Variants in PCDHA3 observed in about 807,000 individuals in gnomAD.
PCDHA3 encodes the protein protocadherin alpha-3.
Under a neutral mutation model 62.2 loss-of-function variants are expected in PCDHA3, and 41 were observed. The observed-to-expected ratio is 0.66, with a 90% CI of 0.51 to 0.86. The LOEUF (loss-of-function observed/expected upper bound fraction) is 0.86, where lower values mean the gene tolerates loss of function less well. Ranked by LOEUF, PCDHA3 falls within the 40% of genes least tolerant of loss-of-function variation. PCDHA3 has a pLI of 0.00. For missense variants in PCDHA3, 1,304 were observed against 1,241.2 expected, an observed-to-expected ratio of 1.05 and a Z score of -0.76; for synonymous variants, 640 against 555.4, an observed-to-expected ratio of 1.15 and a Z score of -2.14.
At chr5:140,845,150 G>A (rs1193499376) in intron 1 of PCDHA3, among the ~76,000 whole-genome samples, 2 of 149,470 alleles carry the variant, frequency 1.3e-5, no homozygotes, top group African/African-American at 4.9e-5. Context: ...AACACATTGT[G>A]TAAAAGCGAA....
chr5:140,828,893 G>C (rs2150160291), intron 1 of PCDHA3: 2 of 1,614,238 alleles, frequency 1.2e-6, no homozygotes, highest in Non-Finnish European at 1.7e-6. Flanking sequence ...GAATGCTTCT[G>C]ATCGGGATGA....
intron 1 of PCDHA3, chr5:140,863,197 C>A: frequency 1.1e-6 from 1 of 888,970 alleles, no homozygotes; most frequent in Non-Finnish European, 1.8e-6. Flanking sequence ...GGTGGCGTCG[C>A]TGGCGGAGAG....
intron 3 of PCDHA3, among the ~76,000 whole-genome samples, chr5:141,005,129 C>T (rs1554259896): frequency 6.6e-6 from 1 of 152,180 alleles, no homozygotes; most frequent in African/African-American, 2.4e-5. Context: ...CCAAAAGTGC[C>T]TCATTGGAGA....
In PCDHA3 at chr5:140,978,971, G is replaced by C. The variant is rs782774245; in HGVS notation, c.2417G>C (p.Trp806Ser). Residue 806 changes from tryptophan (W) to serine (S), a missense_variant, in exon 2 of 4, where the codon TGG (tryptophan) becomes TCG (serine). Trp to Ser is a radical substitution (Grantham distance 177). Transcript: ENST00000522353. ...CAGCCACGACAGCCCAACCCTGACT[G>C]GCGTTACTCTGCCTCCCTGAGAGCA... is the stretch of plus-strand genomic sequence containing the variant. ...SAKPRQPNPD[W>S]RYSASLRAGM... 6.2e-7 allele frequency: 1 copy of C among 1,614,170 alleles called. No homozygotes were observed. The highest frequency in any genetic ancestry group is 2.2e-5 in the East Asian group (1 of 44,882).
At chr5:140,911,464 A>T (rs1300349898) in intron 1 of PCDHA3, among the ~76,000 whole-genome samples, 2 of 152,144 alleles carry the variant, frequency 1.3e-5, no homozygotes, top group African/African-American at 2.4e-5. Flanking sequence ...TCTACAGGAG[A>T]TAAGACTCTC....
Position 140,803,342 on chromosome 5 carries a change from G to A in PCDHA3, c.2145G>A (p.Leu715=), listed in dbSNP as rs782025837. 7.4e-6 allele frequency: 12 copies of A among 1,614,092 alleles called. No individual in the cohort carries two copies. The part of the protein sequence containing the change: ...CAVSSLLVLT[L]LLYTALRCSA... Reference sequence around the variant, plus strand: ...TGTCCAGTCTGTTGGTGCTCACACTGCTGCTATATACTGCTCTGCGGTGCT... The same window carrying A: ...TGTCCAGTCTGTTGGTGCTCACACTACTGCTATATACTGCTCTGCGGTGCT... The change falls in exon 1 of 4, where the codon CTG becomes CTA. Residue 715 remains leucine, a synonymous_variant. Coordinates refer to ENST00000522353, the MANE Select transcript of PCDHA3 (RefSeq NM_018906.3).
At chr5:140,806,918 A>C (rs781836191) in intron 1 of PCDHA3, 2 of 501,988 alleles carry the variant, frequency 4.0e-6, no homozygotes, top group Non-Finnish European at 7.0e-6. Flanking sequence ...TGAAATAATA[A>C]ATAAAACCAA....
chr5:140,925,254 A>G (rs1554202655), intron 1 of PCDHA3, among the ~76,000 whole-genome samples: 1 of 152,188 alleles, frequency 6.6e-6, no homozygotes, highest in African/African-American at 2.4e-5. Context: ...GGAAACTTTA[A>G]TTCTTGATCT....
Position 140,835,371 on chromosome 5 carries a change from C to G in PCDHA3, c.2394+31780C>G, listed in dbSNP as rs2150234593. On this transcript the variant is annotated intron_variant, in intron 1 of 3. Transcript: ENST00000522353. ...GGCTGTCGATAAAGGCTTCCCACCCCTGGCTGGTCATTGTACAGTTCTTGT... is the reference window on the plus strand; with the variant it reads ...GGCTGTCGATAAAGGCTTCCCACCCGTGGCTGGTCATTGTACAGTTCTTGT... The G allele has an allele frequency of 8.7e-6, 14 of 1,613,974 alleles. No homozygotes were observed. The highest frequency in any genetic ancestry group is 1.1e-5 in the Non-Finnish European group (13 of 1,179,870).
At chr5:140,890,707 T>A (rs1217575075) in intron 1 of PCDHA3, among the ~76,000 whole-genome samples, 1 of 152,206 alleles carries the variant, frequency 6.6e-6, no homozygotes, top group African/African-American at 2.4e-5. Context: ...CTTACATTTT[T>A]AAAATCTTTT....
chr5:140,862,092 C>G (rs987479365), intron 1 of PCDHA3: 1 of 156,922 alleles, frequency 6.4e-6, no homozygotes, highest in African/African-American at 2.4e-5. Context: ...AGCCCTTTTT[C>G]GCATAGATTC....
intron 1 of PCDHA3, chr5:140,928,175 G>A (rs782432136): frequency 6.8e-6 from 11 of 1,614,032 alleles, no homozygotes; most frequent in African/African-American, 1.3e-5. Flanking sequence ...CTTAGCACCC[G>A]AAGGACAATC....
At chr5:140,893,264 A>T (rs1554185566) in intron 1 of PCDHA3, among the ~76,000 whole-genome samples, 1 of 152,290 alleles carries the variant, frequency 6.6e-6, no homozygotes, top group African/African-American at 2.4e-5. Context: ...ATAAATGCCC[A>T]ATAGTGGAAT....
At chr5:140,867,108 C>A (rs782819699) in intron 1 of PCDHA3, 4 of 152,072 alleles carry the variant, frequency 2.6e-5, no homozygotes, top group Admixed American at 2.6e-4. Flanking sequence ...CCTAAATTAA[C>A]ATATTGTTTT....
intron 1 of PCDHA3, chr5:140,805,178 G>T: frequency 6.7e-7 from 1 of 1,500,578 alleles, no homozygotes; most frequent in Non-Finnish European, 8.9e-7. Flanking sequence ...CTGATGCTAT[G>T]CCAAATAAAT....
intron 1 of PCDHA3, chr5:140,822,254 A>G: frequency 6.2e-7 from 1 of 1,614,260 alleles, no homozygotes; most frequent in South Asian, 1.1e-5. Context: ...TCGGATTTGG[A>G]TATTGGAGCA....
At chr5:140,832,832 C>G (rs2150204585) in intron 1 of PCDHA3, among the ~76,000 whole-genome samples, 3 of 152,178 alleles carry the variant, frequency 2.0e-5, no homozygotes, top group Admixed American at 1.3e-4. Flanking sequence ...GCCTTTTTCC[C>G]TTGTTGAAGG....
chr5:140,802,616 C>G lies in PCDHA3; in HGVS notation c.1419C>G (p.His473Gln), dbSNP rs1554122246. ...AGGAGAACAACCCGCCGGGCTGCCACATCTTCACGGTGTCTGCGCGGGACG... is the reference window on the plus strand; with the variant it reads ...AGGAGAACAACCCGCCGGGCTGCCAGATCTTCACGGTGTCTGCGCGGGACG... ...FVKENNPPGC[H>Q]IFTVSARDAD... The change falls in exon 1 of 4, where the codon CAC becomes CAG. Residue 473 changes from histidine to glutamine, a missense_variant. Physicochemically the swap from His to Gln is conservative, Grantham distance 24. Transcript: ENST00000522353. 6.2e-7 allele frequency: 1 copy of G among 1,613,996 alleles called. No individual in the cohort carries two copies. The highest frequency in any genetic ancestry group is 1.7e-5 in the Admixed American group (1 of 60,026).
chr5:140,846,373 C>CTTTTTTTTTTTTTTTTTTT (rs374699051), intron 1 of PCDHA3, among the ~76,000 whole-genome samples: 1 of 55,152 alleles, frequency 1.8e-5, no homozygotes, highest in Admixed American at 2.3e-4. Flanking sequence ...TTCTTTCTTT[C>CTTTTTTTTTTTTTTTTTTT]TTTTTTTTTT....
Sources: gnomAD v4.1 joint callset for allele counts (sites outside exome capture counted in the v4.1 genomes callset) on GRCh38, gnomAD v4.1.1 for gene constraint, MANE v1.5 for transcripts, NCBI Gene and HGNC (gene_info 2026-07-23, HGNC 2026-07-21) for gene names.